Variants in ZFPM2 observed in about 807,000 individuals in gnomAD.
The protein encoded by ZFPM2 is zinc finger protein, FOG family member 2.
ZFPM2 carries 20 observed loss-of-function variants against 98.6 expected under a neutral mutation model. The observed-to-expected ratio is 0.20, with a 90% CI of 0.14 to 0.29. ZFPM2 has a LOEUF of 0.29. Among genes scored for constraint, ZFPM2 ranks in the 10% least tolerant of loss-of-function variants. The pLI, the probability that ZFPM2 is intolerant of heterozygous loss-of-function variation, is 1.00. For missense variants in ZFPM2, 1,310 were observed against 1,388.6 expected, an observed-to-expected ratio of 0.94 and a Z score of 0.90; for synonymous variants, 518 against 502.7, an observed-to-expected ratio of 1.03 and a Z score of -0.41.
At chr8:105,717,025 G>A (rs1235060675) in intron 5 of ZFPM2, among the ~76,000 whole-genome samples, 2 of 151,988 alleles carry the variant, frequency 1.3e-5, no homozygotes, top group Non-Finnish European at 2.9e-5. Context: ...CTGCAGAGGA[G>A]GAAGTGCTGA....
chr8:105,457,795 A>T (rs1812621003), intron 3 of ZFPM2, among the ~76,000 whole-genome samples: 1 of 152,140 alleles, frequency 6.6e-6, no homozygotes, highest in Non-Finnish European at 1.5e-5. Flanking sequence ...TATACCTGCT[A>T]CCTGGAAGGC....
intron 1 of ZFPM2, among the ~76,000 whole-genome samples, chr8:105,330,633 C>CACATATATATATATACATAT (rs1563607071): frequency 1.2e-5 from 1 of 85,440 alleles, no homozygotes; most frequent in Non-Finnish European, 2.3e-5. Context: ...TATATATATA[C>CACATATATATATATACATAT]ATATATATAT....
At chr8:105,743,084 A>G (rs765286133) in intron 5 of ZFPM2, among the ~76,000 whole-genome samples, 3 of 152,136 alleles carry the variant, frequency 2.0e-5, no homozygotes, top group African/African-American at 7.2e-5. Flanking sequence ...AGTAGGGGAA[A>G]GAAAATACTC....
At chr8:105,423,800 A>G (rs1192398434) in intron 2 of ZFPM2, among the ~76,000 whole-genome samples, 5 of 152,208 alleles carry the variant, frequency 3.3e-5, no homozygotes, top group Non-Finnish European at 7.3e-5. Context: ...ATGCCTATAT[A>G]TGAGCAATTC....
At chr8:105,699,738 G>A (rs1195966494) in intron 5 of ZFPM2, among the ~76,000 whole-genome samples, 1 of 151,856 alleles carries the variant, frequency 6.6e-6, no homozygotes, top group African/African-American at 2.4e-5. Flanking sequence ...GAAATATAAT[G>A]CAAACTCTCA....
intron 4 of ZFPM2, among the ~76,000 whole-genome samples, chr8:105,601,975 A>T (rs1284049342): frequency 3.3e-5 from 5 of 152,184 alleles, no homozygotes; most frequent in Non-Finnish European, 5.9e-5. Context: ...GACGCCTTCA[A>T]CATTTGTTAT....
At chr8:105,555,937 G>A (rs993364634) in intron 3 of ZFPM2, among the ~76,000 whole-genome samples, 2 of 152,092 alleles carry the variant, frequency 1.3e-5, no homozygotes, top group African/African-American at 4.8e-5. Flanking sequence ...AGGCTTTTTT[G>A]ACTGGAGGGA....
chr8:105,420,772 A>T (rs1811775438), intron 2 of ZFPM2, among the ~76,000 whole-genome samples: 1 of 152,138 alleles, frequency 6.6e-6, no homozygotes, highest in Non-Finnish European at 1.5e-5. Context: ...TTATTAGGAA[A>T]TACATCCTTT....
At chr8:105,321,699 C>T (rs1351976153) in intron 1 of ZFPM2, among the ~76,000 whole-genome samples, 2 of 151,908 alleles carry the variant, frequency 1.3e-5, no homozygotes, top group Admixed American at 1.3e-4. Flanking sequence ...GGGTGCTCTC[C>T]GGGCAGCGAT....
chr8:105,794,757 T>C (rs961407405), intron 6 of ZFPM2, among the ~76,000 whole-genome samples: 3 of 152,190 alleles, frequency 2.0e-5, no homozygotes, highest in African/African-American at 7.2e-5. Flanking sequence ...CCCGGCTGCT[T>C]TGTTTACCTA....
intron 3 of ZFPM2, among the ~76,000 whole-genome samples, chr8:105,526,370 T>C (rs35892773): frequency 0.14 from 21,226 of 152,162 alleles, 1,621 homozygotes; most frequent in Non-Finnish European, 0.18. Flanking sequence ...TTCACACTAC[T>C]GCATGTTATT....
intron 3 of ZFPM2, among the ~76,000 whole-genome samples, chr8:105,509,950 G>A (rs1373960148): frequency 2.0e-5 from 3 of 152,056 alleles, no homozygotes; most frequent in South Asian, 2.1e-4. Flanking sequence ...ACACTGATAC[G>A]GTTAGCAGAT....
At chr8:105,430,602 C>A (rs1193204439) in intron 2 of ZFPM2, among the ~76,000 whole-genome samples, 1 of 152,136 alleles carries the variant, frequency 6.6e-6, no homozygotes, top group African/African-American at 2.4e-5. Flanking sequence ...TGGGTATTAT[C>A]TGTGTTTTTC....
At chr8:105,656,200 A>G (rs539722809) in intron 5 of ZFPM2, among the ~76,000 whole-genome samples, 6 of 152,218 alleles carry the variant, frequency 3.9e-5, no homozygotes, top group African/African-American at 1.4e-4. Context: ...CCTCCTTTAC[A>G]TAGAACCAAC....
At chr8:105,791,567 T>A (rs1035630454) in intron 6 of ZFPM2, among the ~76,000 whole-genome samples, 3 of 152,218 alleles carry the variant, frequency 2.0e-5, no homozygotes, top group Non-Finnish European at 4.4e-5. Context: ...TGGTTGTATC[T>A]CTGCCCGGCT....
chr8:105,401,718 A>G (rs1362072374), intron 1 of ZFPM2, among the ~76,000 whole-genome samples: 4 of 152,146 alleles, frequency 2.6e-5, no homozygotes, highest in Non-Finnish European at 2.9e-5. Flanking sequence ...TCAAAACCAT[A>G]TCACTTACAC....
At chr8:105,780,444 A>C (rs1487327412) in intron 5 of ZFPM2, 2 of 152,230 alleles carry the variant, frequency 1.3e-5, no homozygotes, top group Non-Finnish European at 2.9e-5. Flanking sequence ...AAAACTAAAT[A>C]TAATCAACAA....
intron 1 of ZFPM2, among the ~76,000 whole-genome samples, chr8:105,399,010 C>A (rs1472160206): frequency 6.6e-6 from 1 of 152,022 alleles, no homozygotes; most frequent in Non-Finnish European, 1.5e-5. Context: ...GAGGGAAGAG[C>A]AAGTGCAAAG....
At chr8:105,640,680 G>A (rs1348818330) in intron 5 of ZFPM2, among the ~76,000 whole-genome samples, 2 of 151,920 alleles carry the variant, frequency 1.3e-5, no homozygotes, top group African/African-American at 2.4e-5. Context: ...AAAGATTCTT[G>A]TAAAAGTCCG....
Sources: gnomAD v4.1 joint callset for allele counts (sites outside exome capture counted in the v4.1 genomes callset) on GRCh38, gnomAD v4.1.1 for gene constraint, MANE v1.5 for transcripts, NCBI Gene and HGNC (gene_info 2026-07-23, HGNC 2026-07-21) for gene names.